Variants in ATRN observed in about 807,000 individuals in gnomAD.
ATRN encodes the protein attractin-2.
A neutral mutation model predicts 178.7 loss-of-function variants in ATRN; 54 were observed. The observed-to-expected ratio is 0.30, with a 90% confidence interval of 0.24 to 0.38. ATRN has a LOEUF of 0.38. Ranked by LOEUF, ATRN falls within the 10% of genes least tolerant of loss-of-function variation. ATRN has a pLI of 1.00. For synonymous variants in ATRN, 636 were observed against 663.0 expected, an observed-to-expected ratio of 0.96 and a Z score of 0.63; for missense variants, 1,443 against 1,815.1, an observed-to-expected ratio of 0.79 and a Z score of 3.73.
intron 28 of ATRN, among the ~76,000 whole-genome samples, chr20:3,644,916 A>G (rs2146328918): frequency 6.6e-6 from 1 of 152,298 alleles, no homozygotes; most frequent in South Asian, 2.1e-4. Flanking sequence ...GTATAGATCT[A>G]ATTTTTATTC....
intron 1 of ATRN, among the ~76,000 whole-genome samples, chr20:3,529,785 A>T (rs769491165): frequency 6.6e-6 from 1 of 152,200 alleles, no homozygotes; most frequent in African/African-American, 2.4e-5. Context: ...GCATTTTATT[A>T]TATGTAAATT....
rs1056727288 is a variant in ATRN, at chr20:3,647,040, C to A, written c.*193C>A. The A allele has an allele frequency of 2.8e-6, 2 of 709,098 alleles. No individual in the cohort carries two copies. Among genetic ancestry groups the A allele is most frequent in the African/African-American group, 3.6e-5 (2 of 55,296 alleles). The allele number at this position is 709,098 out of a possible 1,614,324, so 43.9% of individuals were successfully genotyped here. A position where few individuals can be genotyped will look rare whatever the true frequency, so the allele number is the denominator to read the frequency against. The stretch of plus-strand genomic sequence containing the variant: ...TCCCATCCGTGTTCCAGCATCTAAC[C>A]TTTTACTTTTGCATAGGAAATACTT... On this transcript the variant is annotated 3_prime_UTR_variant, in exon 29 of 29. Transcript: ENST00000262919.
intron 6 of ATRN, among the ~76,000 whole-genome samples, chr20:3,553,989 C>T (rs2085825685): frequency 6.6e-6 from 1 of 152,198 alleles, no homozygotes. Flanking sequence ...ACTCACTGCA[C>T]TCAGAGCTTA....
intron 1 of ATRN, among the ~76,000 whole-genome samples, chr20:3,525,635 G>T (rs115317672): frequency 2.0e-5 from 3 of 152,150 alleles, no homozygotes; most frequent in African/African-American, 7.2e-5. Context: ...GATAAGCATC[G>T]ATGCGAGAAT....
intron 27 of ATRN, among the ~76,000 whole-genome samples, chr20:3,642,253 C>A (rs182671939): frequency 6.6e-6 from 1 of 152,322 alleles, no homozygotes; most frequent in Admixed American, 6.5e-5. Flanking sequence ...CTCACCTGGA[C>A]TGCTCCCATG....
intron 1 of ATRN, among the ~76,000 whole-genome samples, chr20:3,494,034 A>G (rs548209723): frequency 3.9e-5 from 6 of 152,338 alleles, no homozygotes; most frequent in African/African-American, 1.2e-4. Flanking sequence ...CTATAACAGT[A>G]ATAATCAAAC....
intron 25 of ATRN, among the ~76,000 whole-genome samples, chr20:3,629,638 A>G (rs1461626347): frequency 1.3e-5 from 2 of 152,192 alleles, no homozygotes; most frequent in Non-Finnish European, 2.9e-5. Flanking sequence ...ACTAAGCACA[A>G]ATGGGTCCCC....
chr20:3,553,882 A>G (rs1003536500), intron 6 of ATRN, among the ~76,000 whole-genome samples: 1 of 151,882 alleles, frequency 6.6e-6, no homozygotes, highest in Non-Finnish European at 1.5e-5. Context: ...CATTTTCTTT[A>G]TGGCAGTGTT....
intron 11 of ATRN, among the ~76,000 whole-genome samples, chr20:3,572,441 A>G (rs78114748): frequency 0.046 from 6,996 of 152,284 alleles, 174 homozygotes; most frequent in Non-Finnish European, 0.056. Flanking sequence ...GAAGGGAATC[A>G]TAATGTTTTT....
intron 1 of ATRN, among the ~76,000 whole-genome samples, chr20:3,501,932 C>G (rs1284557457): frequency 6.6e-6 from 1 of 152,010 alleles, no homozygotes; most frequent in African/African-American, 2.4e-5. Flanking sequence ...TGGGCTACAC[C>G]CTGTGCTTAA....
At chr20:3,633,776 T>TG (rs2087005702) in intron 25 of ATRN, among the ~76,000 whole-genome samples, 1 of 152,230 alleles carries the variant, frequency 6.6e-6, no homozygotes, top group Non-Finnish European at 1.5e-5. Context: ...AGAAAGTTGT[T>TG]GGCTTGGGTT....
chr20:3,618,786 G>T (rs906233852), intron 24 of ATRN, among the ~76,000 whole-genome samples: 1 of 152,194 alleles, frequency 6.6e-6, no homozygotes, highest in Non-Finnish European at 1.5e-5. Flanking sequence ...TATGGATCTG[G>T]TCCAGAGCTG....
chr20:3,519,659 C>T (rs887449304), intron 1 of ATRN, among the ~76,000 whole-genome samples: 1 of 152,012 alleles, frequency 6.6e-6, no homozygotes, highest in Non-Finnish European at 1.5e-5. Flanking sequence ...ATGATGGGTG[C>T]ACTAAAATCT....
intron 1 of ATRN, among the ~76,000 whole-genome samples, chr20:3,481,981 C>T (rs1471827601): frequency 6.6e-6 from 1 of 151,428 alleles, no homozygotes; most frequent in African/African-American, 2.4e-5. Flanking sequence ...TAAGTAACCT[C>T]CCTTGACCTG....
At chr20:3,532,016 G>A (rs2085459629) in intron 1 of ATRN, among the ~76,000 whole-genome samples, 1 of 152,168 alleles carries the variant, frequency 6.6e-6, no homozygotes, top group African/African-American at 2.4e-5. Context: ...TGTAGTCTCA[G>A]CTACTCCAGA....
rs563067355 is a variant in ATRN at position 3,561,137 on chromosome 20, A to G, written c.1447+232A>G. 2.6e-5 allele frequency among the ~76,000 whole-genome samples: 4 copies of G among 152,266 alleles called. No individual in the cohort carries two copies. In the East Asian group the frequency reaches 7.7e-4, roughly 29 times the overall value. ...GGAGTTCAAGACCAGCCTGGCACCAACATGGTGAAACCCTGTCTCTACTAA... is the reference window on the plus strand; with the variant it reads ...GGAGTTCAAGACCAGCCTGGCACCAGCATGGTGAAACCCTGTCTCTACTAA... On this transcript the variant is annotated intron_variant, in intron 8 of 28. Coordinates refer to ENST00000262919, the MANE Select transcript of ATRN (RefSeq NM_139321.3).
At chr20:3,561,344 A>G (rs1351601334) in intron 8 of ATRN, among the ~76,000 whole-genome samples, 1 of 152,168 alleles carries the variant, frequency 6.6e-6, no homozygotes, top group Non-Finnish European at 1.5e-5. Flanking sequence ...ACAAACAAAC[A>G]AACAAAAGCA....
chr20:3,492,331 C>T (rs986647522), intron 1 of ATRN, among the ~76,000 whole-genome samples: 20 of 152,092 alleles, frequency 1.3e-4, no homozygotes, highest in Middle Eastern at 3.4e-3. Context: ...GATTGACATT[C>T]TTAATAGTTA....
chr20:3,522,711 G>A (rs908280793), intron 1 of ATRN, among the ~76,000 whole-genome samples: 12 of 152,214 alleles, frequency 7.9e-5, no homozygotes, highest in Admixed American at 2.0e-4. Flanking sequence ...GAAGCTTCCA[G>A]AGGAAGGAAC....
Sources: gnomAD v4.1 joint callset for allele counts (sites outside exome capture counted in the v4.1 genomes callset) on GRCh38, gnomAD v4.1.1 for gene constraint, MANE v1.5 for transcripts, NCBI Gene and HGNC (gene_info 2026-07-23, HGNC 2026-07-21) for gene names.